The following AAK1 variants were observed in gnomAD, a reference collection of about 807,000 sequenced individuals.
AAK1 encodes AP2 associated kinase 1, also known as AP2-associated protein kinase 1.
A neutral mutation model predicts 116.0 loss-of-function variants in AAK1; 37 were observed. The observed-to-expected ratio is 0.32, with a 90% CI of 0.25 to 0.42. The LOEUF is 0.42. AAK1 is among the 10% of genes least tolerant of loss of function. The probability of loss-of-function intolerance (pLI) is 1.00; values close to 1 mark genes in which losing one functional copy is unlikely to be tolerated. For synonymous variants in AAK1, 458 were observed against 439.9 expected (o/e 1.04, Z -0.51); for missense variants, 919 against 1,170.6 (o/e 0.79, Z 3.14).
chr2:69,530,563 CT>C, intron 7 of AAK1, 61 bp downstream of exon 7: 2 of 1,388,218 alleles, frequency 1.4e-6, no homozygotes, highest in East Asian at 4.6e-5. Flanking sequence ...GTGCATTAAC[CT>C]TGGGAATTCA....
intron 19 of AAK1, 51 bp downstream of exon 19, chr2:69,480,809 G>A (rs1384779852): frequency 1.3e-6 from 2 of 1,488,050 alleles, no homozygotes; most frequent in Non-Finnish European, 1.8e-6. Flanking sequence ...GACTGGCTCA[G>A]AGGTTCACCA....
At chr2:69,531,751 C>CT (rs1670266261) in intron 6 of AAK1, 1 of 1,126,042 alleles carries the variant, frequency 8.9e-7, no homozygotes, top group Non-Finnish European at 1.1e-6. Flanking sequence ...CACCTCTCAG[C>CT]TTTTTATAGG....
intron 16 of AAK1, among the ~76,000 whole-genome samples, chr2:69,502,616 T>A (rs907050176): frequency 1.3e-5 from 2 of 152,018 alleles, no homozygotes; most frequent in Non-Finnish European, 2.9e-5. Context: ...AGCAGAACTG[T>A]CTCAAAAAAT....
At chr2:69,517,146 C>T (rs1676616114) in intron 12 of AAK1, 2 of 152,126 alleles carry the variant, frequency 1.3e-5, no homozygotes, top group Admixed American at 6.5e-5. Context: ...AAAACAAAAA[C>T]GTCACTGTTC....
rs140266779 is a variant in AAK1, at chr2:69,548,212, G to A, written c.283-3668C>T. On this transcript the variant is annotated intron_variant, in intron 3 of 21. Transcript: ENST00000409085. ...TGAATATACTAAAAATCACTGGACC[G>A]TATGCTTTAAAAGGGTAAATTTTAT... Among the ~76,000 whole-genome samples the A allele has an allele frequency of 1.9e-3, 285 of 152,230 alleles. 3 individuals are homozygous for A. The South Asian group carries it at 0.03, about 16-fold the overall frequency.
intron 2 of AAK1, among the ~76,000 whole-genome samples, chr2:69,595,253 C>T (rs1189853464): frequency 6.6e-6 from 1 of 152,152 alleles, no homozygotes; most frequent in Non-Finnish European, 1.5e-5. Context: ...GCTGGGATTA[C>T]AGGCACGCAC....
intron 2 of AAK1, among the ~76,000 whole-genome samples, chr2:69,602,046 C>T (rs1219617491): frequency 6.6e-6 from 1 of 152,112 alleles, no homozygotes; most frequent in Non-Finnish European, 1.5e-5. Context: ...AAACACATAC[C>T]TTAAATCTAA....
chr2:69,492,838 T>C (rs1250985032), intron 17 of AAK1, among the ~76,000 whole-genome samples: 2 of 151,978 alleles, frequency 1.3e-5, no homozygotes, highest in African/African-American at 4.8e-5. Context: ...ATGATTCTTA[T>C]CATCAGTATG....
chr2:69,520,358 CTTT>C (rs71397334), intron 11 of AAK1, among the ~76,000 whole-genome samples: 2 of 127,416 alleles, frequency 1.6e-5, no homozygotes. Flanking sequence ...CAATTCTTTT[CTTT>C]TTTTTTTTTT....
At chr2:69,633,340 C>T (rs200984742) in intron 2 of AAK1, among the ~76,000 whole-genome samples, 2 of 152,004 alleles carry the variant, frequency 1.3e-5, no homozygotes, top group East Asian at 1.9e-4. Flanking sequence ...CGGTGGCTCA[C>T]GCCTGTAATC....
At chr2:69,591,865 G>A (rs2105172610) in intron 2 of AAK1, among the ~76,000 whole-genome samples, 1 of 152,222 alleles carries the variant, frequency 6.6e-6, no homozygotes, top group African/African-American at 2.4e-5. Context: ...CACTGCGCCT[G>A]GCCTGTTCTA....
At chr2:69,484,127 A>G (rs909466105) in intron 17 of AAK1, among the ~76,000 whole-genome samples, 2 of 152,256 alleles carry the variant, frequency 1.3e-5, no homozygotes, top group African/African-American at 2.4e-5. Context: ...AAGAGAACTA[A>G]AATTAAAATG....
intron 5 of AAK1, among the ~76,000 whole-genome samples, chr2:69,533,944 C>T (rs1175849585): frequency 2.0e-5 from 3 of 152,172 alleles, no homozygotes; most frequent in Non-Finnish European, 4.4e-5. Context: ...TAAAGCTCAC[C>T]AGTTTAATCT....
intron 18 of AAK1, 179 bp downstream of exon 18, chr2:69,482,532 G>A (rs3732274): frequency 0.01 from 7,289 of 711,272 alleles, 151 homozygotes; most frequent in East Asian, 0.078. Flanking sequence ...AAAAATAGAC[G>A]TTGTACCCCC....
At chr2:69,527,576 C>G (rs1670076123) in intron 8 of AAK1, among the ~76,000 whole-genome samples, 1 of 152,056 alleles carries the variant, frequency 6.6e-6, no homozygotes, top group African/African-American at 2.4e-5. Flanking sequence ...ATGCTTTGCA[C>G]CAGAGGGACT....
chr2:69,510,400 T>C (rs1397374725), intron 13 of AAK1, among the ~76,000 whole-genome samples: 1 of 152,246 alleles, frequency 6.6e-6, no homozygotes, highest in Non-Finnish European at 1.5e-5. Context: ...TATGGCTGCA[T>C]AGTATTCCAT....
rs542171598 is a variant in AAK1, at chr2:69,464,319, C to G, written c.*11550G>C. On this transcript the variant is annotated 3_prime_UTR_variant, in exon 22 of 22. Transcript: ENST00000409085. ...GCATTTAGCCCACATACTGAGAGGC[C>G]GGAACTGTAACAAGGTGCTCTTTTC... The G allele has an allele frequency of 6.6e-6, 1 of 152,180 alleles. No homozygotes were observed. Among genetic ancestry groups the G allele is most frequent in the East Asian group, 1.9e-4 (1 of 5,180 alleles). 9.4% of individuals were successfully genotyped at this position (152,180 alleles called of 1,614,324 possible).
Position 69,475,521 on chromosome 2 carries a change from A to G in AAK1, c.*348T>C. On this transcript the variant is annotated 3_prime_UTR_variant, in exon 22 of 22. Coordinates refer to ENST00000409085, the MANE Select transcript of AAK1 (RefSeq NM_014911.5). The stretch of plus-strand genomic sequence containing the variant: ...CCATTCCTAGCAAGAACGAGACAAA[A>G]GTGTCAATTCACTAGTTTCAGTTAC... 1 of 1,047,504 alleles carries G rather than the reference A, an allele frequency of 9.5e-7. No individual in the cohort carries two copies. Among genetic ancestry groups the G allele is most frequent in the Non-Finnish European group, 1.2e-6 (1 of 868,444 alleles). 64.9% of individuals were successfully genotyped at this position (1,047,504 alleles called of 1,614,324 possible).
At chr2:69,609,982 G>A (rs539154441) in intron 2 of AAK1, among the ~76,000 whole-genome samples, 7 of 140,922 alleles carry the variant, frequency 5.0e-5, no homozygotes, top group South Asian at 2.3e-4. Flanking sequence ...CCCGGGAGGC[G>A]GAGCTTTGCA....
Sources: allele counts gnomAD v4.1 joint callset (sites outside exome capture counted in the v4.1 genomes callset), GRCh38; gene constraint gnomAD v4.1.1; transcripts MANE v1.5; gene names NCBI Gene and HGNC (gene_info 2026-07-23, HGNC 2026-07-21).